The following XRCC6 variants were observed in gnomAD, a reference collection of about 807,000 sequenced individuals.
The protein encoded by XRCC6 is X-ray repair cross complementing 6, also known as DNA repair protein Ku70.
XRCC6 carries 5 observed loss-of-function variants against 65.7 expected under a neutral mutation model. The observed-to-expected ratio is 0.08, with a 90% CI of 0.04 to 0.16. The LOEUF (loss-of-function observed/expected upper bound fraction) is 0.16. Ranked by LOEUF, XRCC6 falls within the 10% of genes least tolerant of loss-of-function variation. XRCC6 has a pLI of 1.00. For missense variants in XRCC6, 447 were observed against 738.1 expected, an observed-to-expected ratio of 0.61 and a Z score of 4.57; for synonymous variants, 270 against 270.6, an observed-to-expected ratio of 1.00 and a Z score of 0.02.
chr22:41,655,991 G>A (rs1477421718), intron 9 of XRCC6, among the ~76,000 whole-genome samples: 1 of 151,804 alleles, frequency 6.6e-6, no homozygotes, highest in African/African-American at 2.4e-5. Flanking sequence ...CACTTTGGGA[G>A]GCTGTGGCAG....
chr22:41,641,132 A>G (rs987718499), intron 6 of XRCC6, among the ~76,000 whole-genome samples: 1 of 152,126 alleles, frequency 6.6e-6, no homozygotes, highest in African/African-American at 2.4e-5. Flanking sequence ...TGAGCATTAA[A>G]TGAGATAACC....
intron 8 of XRCC6, among the ~76,000 whole-genome samples, chr22:41,651,478 G>C (rs2067996010): frequency 7.2e-6 from 1 of 138,876 alleles, no homozygotes; most frequent in Non-Finnish European, 1.5e-5. Context: ...TGCAACATCT[G>C]CCTCCCGGGT....
intron 2 of XRCC6, among the ~76,000 whole-genome samples, chr22:41,627,159 A>AT (rs1294293607): frequency 6.6e-6 from 1 of 152,218 alleles, no homozygotes; most frequent in Admixed American, 6.6e-5. Context: ...TCTTCAGAAG[A>AT]TAAATTACAA....
chr22:41,628,463 C>T (rs768263031), intron 3 of XRCC6: 7 of 341,676 alleles, frequency 2.0e-5, no homozygotes, highest in Non-Finnish European at 3.8e-5. Context: ...GAGGCCGAGG[C>T]GAGAGGCTTG....
At chr22:41,638,989 C>T (rs2067843641) in intron 6 of XRCC6, among the ~76,000 whole-genome samples, 1 of 152,036 alleles carries the variant, frequency 6.6e-6, no homozygotes, top group Non-Finnish European at 1.5e-5. Context: ...ATGAGTGATG[C>T]CTTGTGCGAC....
At chr22:41,656,232 A>AAT (rs2068043734) in intron 9 of XRCC6, among the ~76,000 whole-genome samples, 2 of 149,656 alleles carry the variant, frequency 1.3e-5, no homozygotes, top group South Asian at 4.2e-4. Flanking sequence ...AAAAAAAAAA[A>AAT]GATGAAGGCT....
Position 41,637,646 on chromosome 22 carries a change from G to A in XRCC6, c.628G>A (p.Gly210Ser). 1.9e-6 allele frequency: 3 copies of A among 1,609,916 alleles called. No individual in the cohort carries two copies. The highest frequency in any genetic ancestry group is 2.5e-6 in the Non-Finnish European group (3 of 1,178,498). Residue 210 changes from glycine to serine, a missense_variant, in exon 6 of 13, where the codon GGC becomes AGC. Physicochemically the swap from Gly to Ser is moderately conservative, Grantham distance 56. Transcript: ENST00000360079. ...CTTGATGCACCTGAAGAAACCTGGG[G>A]GCTTTGACATATCCTTGTTCTACAG... ...LDLMHLKKPG[G>S]FDISLFYRDI... is the part of the protein sequence containing the mutation.
chr22:41,639,001 AACTT>A (rs917402631), intron 6 of XRCC6, among the ~76,000 whole-genome samples: 6 of 152,116 alleles, frequency 3.9e-5, no homozygotes, highest in Non-Finnish European at 7.3e-5. Context: ...TTGTGCGACA[AACTT>A]ACGACAGCTA....
At chr22:41,630,875 C>G (rs1243221340) in intron 3 of XRCC6, among the ~76,000 whole-genome samples, 1 of 152,198 alleles carries the variant, frequency 6.6e-6, no homozygotes, top group Non-Finnish European at 1.5e-5. Flanking sequence ...TCCACACAGA[C>G]ACGGCAACCA....
chr22:41,655,850 C>T (rs1158099644), intron 9 of XRCC6, among the ~76,000 whole-genome samples: 1 of 151,778 alleles, frequency 6.6e-6, no homozygotes, highest in Non-Finnish European at 1.5e-5. Context: ...CGACGTGAGC[C>T]ACCATGTCCG....
chr22:41,636,908 C>A, intron 5 of XRCC6, 138 bp downstream of exon 5: 1 of 1,179,622 alleles, frequency 8.5e-7, no homozygotes, highest in Non-Finnish European at 1.2e-6. Context: ...CTGTTGTGCC[C>A]AGTGCAGTTT....
chr22:41,629,476 A>G (rs1601529520), intron 3 of XRCC6, among the ~76,000 whole-genome samples: 1 of 152,224 alleles, frequency 6.6e-6, no homozygotes, highest in East Asian at 1.9e-4. Flanking sequence ...TTTCATTTAC[A>G]TGAAATATCC....
Position 41,646,929 on chromosome 22 carries a change from C to T in XRCC6, c.807C>T (p.Ile269=). ...TGAAGCTCAACAAAGATATAGTGAT[C>T]TCTGTGGGCATTTATAATCTGGTCC... ...LKLKLNKDIV[I]SVGIYNLVQK... Residue 269 remains isoleucine, a synonymous_variant, in exon 7 of 13, where the codon ATC becomes ATT. Coordinates refer to ENST00000360079, the MANE Select transcript of XRCC6 (RefSeq NM_001469.5). The T allele has an allele frequency of 1.9e-6, 3 of 1,613,380 alleles. No individual in the cohort carries two copies. The highest frequency in any genetic ancestry group is 2.5e-6 in the Non-Finnish European group (3 of 1,179,688).
rs2067816194 is a variant in XRCC6, at chr22:41,636,904, T to TGCCC, written c.589+135_589+138dup. 9 of 1,203,240 alleles carry TGCCC rather than the reference T, an allele frequency of 7.5e-6. No individual in the cohort carries two copies. In the South Asian group the frequency reaches 1.5e-4, roughly 20 times the overall value. The allele number at this position is 1,203,240 out of a possible 1,614,324, so 74.5% of individuals were successfully genotyped here. A position where few individuals can be genotyped will look rare whatever the true frequency, so the allele number is the denominator to read the frequency against. On this transcript the variant is annotated intron_variant, in intron 5 of 12. Transcript: ENST00000360079. ...CTGGGACTATAAGCATGTGCTGTTG[T>TGCCC]GCCCAGTGCAGTTTTATTGCTTTCT...
chr22:41,661,239 T>C (rs945373966), intron 11 of XRCC6, 92 bp from the exon 12 acceptor site: 16 of 1,077,916 alleles, frequency 1.5e-5, no homozygotes, highest in Non-Finnish European at 2.2e-5. Context: ...AGTTAGGTGC[T>C]CTCTCTTCTG....
At chr22:41,623,496 T>C (rs2067634020) in intron 2 of XRCC6, among the ~76,000 whole-genome samples, 2 of 151,640 alleles carry the variant, frequency 1.3e-5, no homozygotes, top group African/African-American at 4.9e-5. Context: ...CATGCCATTC[T>C]CCTGCCTCAG....
At chr22:41,640,493 C>T (rs1466443735) in intron 6 of XRCC6, among the ~76,000 whole-genome samples, 2 of 152,172 alleles carry the variant, frequency 1.3e-5, no homozygotes, top group African/African-American at 4.8e-5. Context: ...GTATGTTAAC[C>T]AGGCTGGTCT....
chr22:41,637,195 T>G (rs562608261), intron 5 of XRCC6, among the ~76,000 whole-genome samples: 45 of 147,894 alleles, frequency 3.0e-4, no homozygotes, highest in African/African-American at 1.0e-3. Context: ...GCGATTCACC[T>G]GCCTCAGCCT....
At chr22:41,623,453 T>A (rs1313524623) in intron 2 of XRCC6, among the ~76,000 whole-genome samples, 1 of 151,922 alleles carries the variant, frequency 6.6e-6, no homozygotes, top group Non-Finnish European at 1.5e-5. Flanking sequence ...AGTGGCGCGA[T>A]CTTGGCTCAC....
Sources: gnomAD v4.1 joint callset for allele counts (sites outside exome capture counted in the v4.1 genomes callset) on GRCh38, gnomAD v4.1.1 for gene constraint, MANE v1.5 for transcripts, NCBI Gene and HGNC (gene_info 2026-07-23, HGNC 2026-07-21) for gene names.